CRIP1: variants seen among roughly 807,000 people sequenced by gnomAD.
CRIP1 encodes cysteine rich protein 1, also known as cysteine-rich protein 1.
A neutral mutation model predicts 12.9 loss-of-function variants in CRIP1; 11 were observed. The observed-to-expected ratio is 0.86, with a 90% CI of 0.54 to 1.42. The LOEUF (loss-of-function observed/expected upper bound fraction) is 1.42, where lower values mean the gene tolerates loss of function less well. CRIP1 is among the 40% of genes most tolerant of loss of function. The pLI, the probability that CRIP1 is intolerant of heterozygous loss-of-function variation, is 0.00. For missense variants in CRIP1, 122 were observed against 101.3 expected, an observed-to-expected ratio of 1.20 and a Z score of -0.88; for synonymous variants, 41 against 37.2, an observed-to-expected ratio of 1.10 and a Z score of -0.37.
intron 2 of CRIP1, 50 bp from the exon 3 acceptor site, chr14:105,488,116 A>C (rs2141773488): frequency 1.3e-6 from 2 of 1,560,444 alleles, no homozygotes; most frequent in East Asian, 2.3e-5. Context: ...AGTGGTGGGT[A>C]GGCGCCGCGT....
Position 105,488,403 on chromosome 14 carries a change from T to TGCCCCCCCCCCCCC in CRIP1, c.193+15_193+16insGCCCCCCCCCCCCC. ...TGGGCCTAAAGGTATGCTCCCGTCATCCCCACCCCACCCCACCCCACAGCC... is the reference window on the plus strand; with the variant it reads ...TGGGCCTAAAGGTATGCTCCCGTCATGCCCCCCCCCCCCCCCCCACCCCACCCCACCCCACAGCC... On this transcript the variant is annotated intron_variant, in intron 4 of 5. Coordinates refer to ENST00000392531, the MANE Select transcript of CRIP1 (RefSeq NM_001311.5). 1 of 1,580,482 alleles carries TGCCCCCCCCCCCCC rather than the reference T, an allele frequency of 6.3e-7. No homozygotes were observed. The highest frequency in any genetic ancestry group is 8.6e-7 in the Non-Finnish European group (1 of 1,156,516).
At chr14:105,487,002 C>T in intron 1 of CRIP1, 30 bp downstream of exon 1, 1 of 1,305,418 alleles carries the variant, frequency 7.7e-7, no homozygotes. Context: ...TGCCCCCCCG[C>T]GCTCCGTCCT....
rs782403146 is a variant in CRIP1 at position 105,488,231 on chromosome 14, A to G, written c.106A>G (p.Lys36Glu). 1.9e-6 allele frequency: 3 copies of G among 1,613,388 alleles called. No individual in the cohort carries two copies. Among genetic ancestry groups the G allele is most frequent in the Non-Finnish European group, 2.5e-6 (3 of 1,180,008 alleles). Residue 36 changes from lysine to glutamate, a missense_variant, in exon 3 of 6, where the codon AAG becomes GAG. Coordinates refer to ENST00000392531, the MANE Select transcript of CRIP1 (RefSeq NM_001311.5). ...CTGCCTGAAGTGCGAGAAATGTGGG[A>G]AGACGCTGACCTCTGGGGGCCACGC... ...RPCLKCEKCG[K>E]TLTSGGHAEH...
At position 105,488,463 on chromosome 14, in the gene CRIP1, C is replaced by G. The variant is rs782315278; in HGVS notation, c.194-8C>G. ...CCAGCCTGTTGACTTTTTCCACCTTCTCTGCAGGCTTTGGGCGGGGCGGAG... is the reference window on the plus strand; with the variant it reads ...CCAGCCTGTTGACTTTTTCCACCTTGTCTGCAGGCTTTGGGCGGGGCGGAG... On this transcript the variant is annotated splice_region_variant and splice_polypyrimidine_tract_variant and intron_variant, in intron 4 of 5. Coordinates refer to ENST00000392531, the MANE Select transcript of CRIP1 (RefSeq NM_001311.5). The G allele has an allele frequency of 3.4e-6, 5 of 1,488,860 alleles. No individual in the cohort carries two copies. The allele number at this position is 1,488,860 out of a possible 1,614,324, so 92.2% of individuals were successfully genotyped here.
intron 2 of CRIP1, 63 bp downstream of exon 2, chr14:105,487,362 C>A: frequency 1.4e-6 from 2 of 1,441,412 alleles, no homozygotes; most frequent in Non-Finnish European, 9.4e-7. Flanking sequence ...GGCTGGGGAC[C>A]GCTCAGGAGG....
chr14:105,487,159 G>A (rs2084128408), intron 1 of CRIP1, 40 bp from the exon 2 acceptor site: 6 of 1,485,664 alleles, frequency 4.0e-6, no homozygotes, highest in Middle Eastern at 2.4e-4. Context: ...GCGGGGTCCC[G>A]GGGTCCCTGA....
chr14:105,488,202 G>A lies in CRIP1; in HGVS notation c.77G>A (p.Arg26Gln), dbSNP rs371234165. Residue 26 changes from arginine to glutamine, a missense_variant, in exon 3 of 6, where the codon CGG becomes CAG. Arg to Gln is a conservative substitution (Grantham distance 43). Coordinates refer to ENST00000392531, the MANE Select transcript of CRIP1 (RefSeq NM_001311.5). ...ACCTCTCTGGGCAAGGACTGGCATC[G>A]GCCCTGCCTGAAGTGCGAGAAATGT... ...RVTSLGKDWH[R>Q]PCLKCEKCGK... 7.4e-5 allele frequency: 120 copies of A among 1,613,088 alleles called. 2 individuals are homozygous for A. The Admixed American group carries it at 7.5e-4, about 10-fold the overall frequency.
chr14:105,488,583 A>C (rs2084151892), intron 5 of CRIP1, 67 bp downstream of exon 5: 1 of 1,503,952 alleles, frequency 6.6e-7, no homozygotes, highest in Non-Finnish European at 9.0e-7. Context: ...GCCCCCTCCC[A>C]GGGAGGCCTG....
Position 105,488,871 on chromosome 14 carries a change from C to T in CRIP1, c.*214C>T, listed in dbSNP as rs1407493194. 1.9e-5 allele frequency: 6 copies of T among 310,872 alleles called. No homozygotes were observed. Among genetic ancestry groups the T allele is most frequent in the East Asian group, 1.6e-4 (3 of 18,318 alleles). The allele number at this position is 310,872 out of a possible 1,614,324, so 19.3% of individuals were successfully genotyped here. ...TCCTGGCAGCAGGCTCTGCCACCGG[C>T]GCCTGCTCTTCTGCTGCCCATTGCC... On this transcript the variant is annotated 3_prime_UTR_variant, in exon 6 of 6. Transcript: ENST00000392531.
At chr14:105,487,859 G>A (rs2084135870) in intron 2 of CRIP1, 5 of 417,024 alleles carry the variant, frequency 1.2e-5, no homozygotes, top group South Asian at 1.2e-4. Context: ...GACCTAAGCC[G>A]CGACCCCTGA....
At position 105,488,653 on chromosome 14, in the gene CRIP1, C is replaced by T; in HGVS notation, c.*6-10C>T. 2 of 915,888 alleles carry T rather than the reference C, an allele frequency of 2.2e-6. No homozygotes were observed. The highest frequency in any genetic ancestry group is 3.4e-6 in the Non-Finnish European group (2 of 593,968). The allele number at this position is 915,888 out of a possible 1,614,324, so 56.7% of individuals were successfully genotyped here. Reference sequence around the variant, plus strand: ...TGCACTCACGTCTGTGCCTGTCTCTCTCTGCACAGGTGGTGGAGACCCCAT... The same window carrying T: ...TGCACTCACGTCTGTGCCTGTCTCTTTCTGCACAGGTGGTGGAGACCCCAT... On this transcript the variant is annotated splice_polypyrimidine_tract_variant and intron_variant, in intron 5 of 5. Coordinates refer to ENST00000392531, the MANE Select transcript of CRIP1 (RefSeq NM_001311.5).
At position 105,488,507 on chromosome 14, in the gene CRIP1, A is replaced by G. The variant is rs2084150347; in HGVS notation, c.230A>G (p.Lys77Arg). The G allele has an allele frequency of 1.3e-6, 2 of 1,597,372 alleles. No homozygotes were observed. Among genetic ancestry groups the G allele is most frequent in the East Asian group, 4.5e-5 (2 of 44,728 alleles). ...GRGGAESHTFK is the reference protein window; with the variant it reads ...GRGGAESHTFR ...GGCGGAGCCGAGAGCCACACTTTCAAGTAAACCAGGTAGGTAGGACCCCAC... is the reference window on the plus strand; with the variant it reads ...GGCGGAGCCGAGAGCCACACTTTCAGGTAAACCAGGTAGGTAGGACCCCAC... Residue 77 changes from lysine to arginine, a missense_variant, in exon 5 of 6, where the codon AAG (lysine) becomes AGG (arginine). Transcript: ENST00000392531.
At position 105,488,491 on chromosome 14, in the gene CRIP1, G is replaced by C; in HGVS notation, c.214G>C (p.Glu72Gln). 1.9e-6 allele frequency: 3 copies of C among 1,594,770 alleles called. No individual in the cohort carries two copies. Among genetic ancestry groups the C allele is most frequent in the Non-Finnish European group, 2.6e-6 (3 of 1,171,200 alleles). ...GPKGFGRGGA[E>Q]SHTFK ...TGCAGGCTTTGGGCGGGGCGGAGCC[G>C]AGAGCCACACTTTCAAGTAAACCAG... The change falls in exon 5 of 6, where the codon GAG becomes CAG. Residue 72 changes from glutamate (E) to glutamine (Q), a missense_variant. Transcript: ENST00000392531.
chr14:105,487,216 G>C lies in CRIP1; in HGVS notation c.-44G>C. Reference sequence around the variant, plus strand: ...CCACCCAGTCTCGCGCCTGCAGCCCGTGCCGCCCCAGCCGCTGCCGCCTGC... The same window carrying C: ...CCACCCAGTCTCGCGCCTGCAGCCCCTGCCGCCCCAGCCGCTGCCGCCTGC... On this transcript the variant is annotated 5_prime_UTR_variant, in exon 2 of 6. Transcript: ENST00000392531. 5.2e-6 allele frequency: 8 copies of C among 1,539,516 alleles called. No homozygotes were observed. Among genetic ancestry groups the C allele is most frequent in the Non-Finnish European group, 7.0e-6 (8 of 1,142,868 alleles).
chr14:105,488,079 G>A, intron 2 of CRIP1, 87 bp from the exon 3 acceptor site: 1 of 1,435,310 alleles, frequency 7.0e-7, no homozygotes. Context: ...GCCTTGGGCA[G>A]AGCTGGCTGC....
In CRIP1 at chr14:105,488,865, C is replaced by T. The variant is rs2084155538; in HGVS notation, c.*208C>T. The T allele has an allele frequency of 3.1e-6, 1 of 324,738 alleles. No individual in the cohort carries two copies. Among genetic ancestry groups the T allele is most frequent in the Non-Finnish European group, 5.7e-6 (1 of 174,356 alleles). 20.1% of individuals were successfully genotyped at this position (324,738 alleles called of 1,614,324 possible). On this transcript the variant is annotated 3_prime_UTR_variant, in exon 6 of 6. Coordinates refer to ENST00000392531, the MANE Select transcript of CRIP1 (RefSeq NM_001311.5). The stretch of plus-strand genomic sequence containing the variant: ...GTGGGGTCCTGGCAGCAGGCTCTGC[C>T]ACCGGCGCCTGCTCTTCTGCTGCCC...
In CRIP1 at chr14:105,488,469, A is replaced by T; in HGVS notation, c.194-2A>T. 6.4e-7 allele frequency: 1 copy of T among 1,562,190 alleles called. No homozygotes were observed. The highest frequency in any genetic ancestry group is 8.6e-7 in the Non-Finnish European group (1 of 1,160,416). Reference sequence around the variant, plus strand: ...TGTTGACTTTTTCCACCTTCTCTGCAGGCTTTGGGCGGGGCGGAGCCGAGA... The same window carrying T: ...TGTTGACTTTTTCCACCTTCTCTGCTGGCTTTGGGCGGGGCGGAGCCGAGA... On this transcript the variant is annotated splice_acceptor_variant, in intron 4 of 5. Coordinates refer to ENST00000392531, the MANE Select transcript of CRIP1 (RefSeq NM_001311.5). LOFTEE classifies it high-confidence loss of function.
At chr14:105,488,420 C>G (rs782482745) in intron 4 of CRIP1, 32 bp downstream of exon 4, 4 of 1,605,580 alleles carry the variant, frequency 2.5e-6, no homozygotes, top group African/African-American at 1.3e-5. Flanking sequence ...CCCACCCCAC[C>G]CCACAGCCTC....
At chr14:105,488,022 C>A in intron 2 of CRIP1, 144 bp from the exon 3 acceptor site, 1 of 752,818 alleles carries the variant, frequency 1.3e-6, no homozygotes, top group South Asian at 1.7e-5. Flanking sequence ...GTGCTGAGAC[C>A]TTAGGGTGGG....
Sources: gnomAD v4.1 joint callset for allele counts on GRCh38, gnomAD v4.1.1 for gene constraint, MANE v1.5 for transcripts, NCBI Gene and HGNC (gene_info 2026-07-23, HGNC 2026-07-21) for gene names.